The following GRIK1 variants were observed in gnomAD, a reference collection of about 807,000 sequenced individuals.
GRIK1 encodes the protein glutamate receptor ionotropic, kainate 1.
GRIK1 carries 69 observed loss-of-function variants against 105.7 expected under a neutral mutation model. That is an observed-to-expected ratio of 0.65 (90% confidence interval 0.54 to 0.80). The LOEUF is 0.80. Among genes scored for constraint, GRIK1 ranks in the 30% least tolerant of loss-of-function variants. The pLI is 0.00. For missense variants in GRIK1, 1,109 were observed against 1,167.3 expected, an observed-to-expected ratio of 0.95 and a Z score of 0.73; for synonymous variants, 438 against 431.3, an observed-to-expected ratio of 1.02 and a Z score of -0.19.
At chr21:29,753,274 TGAGA>T (rs2145655957) in intron 1 of GRIK1, among the ~76,000 whole-genome samples, 1 of 152,334 alleles carries the variant, frequency 6.6e-6, no homozygotes, top group South Asian at 2.1e-4. Flanking sequence ...ATAATTTGAT[TGAGA>T]AACAAACCCT....
intron 1 of GRIK1, among the ~76,000 whole-genome samples, chr21:29,857,149 G>A (rs1287413148): frequency 6.6e-6 from 1 of 152,204 alleles, no homozygotes; most frequent in Non-Finnish European, 1.5e-5. Flanking sequence ...TGCAGGTGTA[G>A]ATAATGAGTG....
chr21:29,843,554 C>A (rs1473553874), intron 1 of GRIK1, among the ~76,000 whole-genome samples: 2 of 151,534 alleles, frequency 1.3e-5, no homozygotes, highest in Non-Finnish European at 2.9e-5. Context: ...ATGTAAAAGG[C>A]CTTATATATT....
In GRIK1 at chr21:29,577,110, T is replaced by C; in HGVS notation, c.1984A>G (p.Ile662Val). 1 of 1,612,966 alleles carries C rather than the reference T, an allele frequency of 6.2e-7. No homozygotes were observed. Among genetic ancestry groups the C allele is most frequent in the Non-Finnish European group, 8.5e-7 (1 of 1,178,928 alleles). ...AGATTGGCCGTGTAGGATGAAATGA[T>C]GATTAGGGTGAAAAACCACCATATC... ...GGIWWFFTLI[I>V]ISSYTANLAA... The change falls in exon 14 of 18, where the codon ATC becomes GTC. Residue 662 changes from isoleucine (I) to valine (V), a missense_variant. Physicochemically the swap from Ile to Val is conservative, Grantham distance 29 (BLOSUM62 3). This residue lies in a region of GRIK1 where 264 missense variants were observed against 306.9 expected (regional missense o/e 0.86). Transcript: ENST00000327783.
At chr21:29,826,589 C>T (rs530726094) in intron 1 of GRIK1, among the ~76,000 whole-genome samples, 1 of 152,154 alleles carries the variant, frequency 6.6e-6, no homozygotes, top group African/African-American at 2.4e-5. Flanking sequence ...CTTGCCAGGC[C>T]ACCCTGCAGA....
chr21:29,798,658 A>G (rs577657455), intron 1 of GRIK1, among the ~76,000 whole-genome samples: 1 of 152,340 alleles, frequency 6.6e-6, no homozygotes, highest in African/African-American at 2.4e-5. Context: ...GAGTGATTTC[A>G]AAGAACATTA....
intron 14 of GRIK1, among the ~76,000 whole-genome samples, chr21:29,564,404 C>T (rs1179623503): frequency 1.3e-5 from 2 of 152,198 alleles, no homozygotes; most frequent in East Asian, 1.9e-4. Flanking sequence ...GCCTCGGCCT[C>T]CCAAAGTGCT....
intron 1 of GRIK1, 29 bp downstream of exon 1, chr21:29,939,354 C>G (rs1157678593): frequency 2.3e-6 from 3 of 1,313,010 alleles, no homozygotes; most frequent in South Asian, 2.5e-5. Context: ...GACCACGTCT[C>G]CCGAGCAGGC....
At chr21:29,750,577 G>T (rs923538142) in intron 1 of GRIK1, among the ~76,000 whole-genome samples, 1 of 152,136 alleles carries the variant, frequency 6.6e-6, no homozygotes, top group African/African-American at 2.4e-5. Context: ...GATTGCTGAG[G>T]CAGATTTTCT....
chr21:29,718,561 T>C (rs1226384531), intron 1 of GRIK1, among the ~76,000 whole-genome samples: 1 of 152,220 alleles, frequency 6.6e-6, no homozygotes, highest in Non-Finnish European at 1.5e-5. Flanking sequence ...GGTCTCAGCT[T>C]CATTTCCTGG....
At chr21:29,806,503 G>A (rs1009618863) in intron 1 of GRIK1, among the ~76,000 whole-genome samples, 1 of 152,096 alleles carries the variant, frequency 6.6e-6, no homozygotes, top group East Asian at 1.9e-4. Flanking sequence ...AAAACGTAAT[G>A]TCATTTGACC....
intron 1 of GRIK1, among the ~76,000 whole-genome samples, chr21:29,881,786 G>T (rs78905715): frequency 6.6e-6 from 1 of 151,986 alleles, no homozygotes; most frequent in Non-Finnish European, 1.5e-5. Flanking sequence ...TGATATAAAA[G>T]ACTTTTTATA....
chr21:29,785,445 T>A (rs2066231798), intron 1 of GRIK1, among the ~76,000 whole-genome samples: 1 of 150,880 alleles, frequency 6.6e-6, no homozygotes, highest in African/African-American at 2.4e-5. Context: ...GAGCCTGTAA[T>A]CCCAGCTACT....
chr21:29,654,699 G>A, intron 5 of GRIK1, 111 bp downstream of exon 5: 1 of 700,360 alleles, frequency 1.4e-6, no homozygotes, highest in South Asian at 1.7e-5. Context: ...GGAAAGTAAG[G>A]CAAGTCTCCA....
intron 1 of GRIK1, among the ~76,000 whole-genome samples, chr21:29,883,555 A>G (rs774710158): frequency 2.0e-5 from 3 of 152,038 alleles, no homozygotes; most frequent in Non-Finnish European, 4.4e-5. Flanking sequence ...AGAAAAAATA[A>G]AAATGAAATA....
intron 1 of GRIK1, among the ~76,000 whole-genome samples, chr21:29,885,476 A>G (rs951576268): frequency 2.0e-5 from 3 of 152,054 alleles, no homozygotes; most frequent in African/African-American, 7.2e-5. Flanking sequence ...AATTGGTGGG[A>G]GTGAAGGAAT....
intron 1 of GRIK1, among the ~76,000 whole-genome samples, chr21:29,835,395 C>A (rs1464775909): frequency 6.6e-6 from 1 of 152,202 alleles, no homozygotes; most frequent in African/African-American, 2.4e-5. Context: ...AAAGTCCTAA[C>A]ATAACTGGTC....
intron 3 of GRIK1, among the ~76,000 whole-genome samples, chr21:29,673,898 G>A (rs949354643): frequency 1.3e-5 from 2 of 152,118 alleles, no homozygotes; most frequent in African/African-American, 4.8e-5. Flanking sequence ...TTTACCACAG[G>A]TGTGGATGTA....
At chr21:29,763,183 T>C (rs537222974) in intron 1 of GRIK1, among the ~76,000 whole-genome samples, 4 of 152,320 alleles carry the variant, frequency 2.6e-5, no homozygotes, top group African/African-American at 9.6e-5. Flanking sequence ...GTTCTCATGA[T>C]AATGCAGGAG....
chr21:29,793,625 A>T (rs1363707475), intron 1 of GRIK1, among the ~76,000 whole-genome samples: 1 of 152,188 alleles, frequency 6.6e-6, no homozygotes, highest in Non-Finnish European at 1.5e-5. Context: ...CCCTACTAGA[A>T]GAGAAATATC....
Sources: allele counts gnomAD v4.1 joint callset (sites outside exome capture counted in the v4.1 genomes callset), GRCh38; gene constraint gnomAD v4.1.1; regional missense constraint gnomAD v4.1.1; transcripts MANE v1.5; gene names NCBI Gene and HGNC (gene_info 2026-07-23, HGNC 2026-07-21).